The following NUDT3 variants were observed in gnomAD, a reference collection of about 807,000 sequenced individuals.
NUDT3 encodes diphosphoinositol polyphosphate phosphohydrolase 1.
NUDT3 carries 9 observed loss-of-function variants against 23.6 expected under a neutral mutation model. The observed-to-expected ratio is 0.38, with a 90% confidence interval of 0.23 to 0.66. The LOEUF (loss-of-function observed/expected upper bound fraction) is 0.66, where lower values mean the gene tolerates loss of function less well. Ranked by LOEUF, NUDT3 falls within the 30% of genes least tolerant of loss-of-function variation. The pLI, the probability that NUDT3 is intolerant of heterozygous loss-of-function variation, is 0.52. For synonymous variants in NUDT3, 86 were observed against 82.6 expected (o/e 1.04, Z -0.22); for missense variants, 172 against 218.5 (o/e 0.79, Z 1.34).
Position 34,387,658 on chromosome 6 carries a change from GATCTC to G in NUDT3, c.99+4601_99+4605del, listed in dbSNP as rs1765127910. ...AAGACCAGCCTGGGGAACAGAGCAA[GATCTC>G]ATCTCTTTTTAAAAAAAAAAAAAAA... On this transcript the variant is annotated intron_variant, in intron 1 of 4. Transcript: ENST00000607016. 5.1e-5 allele frequency among the ~76,000 whole-genome samples: 6 copies of G among 116,516 alleles called. No individual in the cohort carries two copies. In the South Asian group the frequency reaches 1.4e-3, roughly 27 times the overall value. 76.4% of individuals were successfully genotyped at this position (116,516 alleles called of 152,430 possible). A position where few individuals can be genotyped will look rare whatever the true frequency, so the allele number is the denominator to read the frequency against.
chr6:34,351,349 G>A (rs1764473016), intron 1 of NUDT3, among the ~76,000 whole-genome samples: 1 of 148,296 alleles, frequency 6.7e-6, no homozygotes, highest in South Asian at 2.1e-4. Flanking sequence ...GCTGAGGCAG[G>A]AGGATCATCT....
At chr6:34,355,511 G>A (rs1045443035) in intron 1 of NUDT3, among the ~76,000 whole-genome samples, 15 of 151,892 alleles carry the variant, frequency 9.9e-5, no homozygotes, top group African/African-American at 3.6e-4. Context: ...TACCATCTTG[G>A]TATCAAGGTA....
At chr6:34,361,844 T>C (rs971857615) in intron 1 of NUDT3, among the ~76,000 whole-genome samples, 6 of 152,124 alleles carry the variant, frequency 3.9e-5, no homozygotes, top group African/African-American at 1.4e-4. Context: ...CAGTGGTTGT[T>C]AGGGGTGAGC....
rs1213995108 is a variant in NUDT3, at chr6:34,392,399, G to A, written c.-37C>T. 6.5e-7 allele frequency: 1 copy of A among 1,532,984 alleles called. No individual in the cohort carries two copies. Among genetic ancestry groups the A allele is most frequent in the Non-Finnish European group, 8.9e-7 (1 of 1,127,586 alleles). 95.0% of individuals were successfully genotyped at this position (1,532,984 alleles called of 1,614,324 possible). A position where few individuals can be genotyped will look rare whatever the true frequency, so the allele number is the denominator to read the frequency against. ...GGGTGGGGGTGCGGTGCGGGTCGCA[G>A]GAGTCGAGGGGTGGGGAGCCCGCTC... On this transcript the variant is annotated 5_prime_UTR_variant, in exon 1 of 5. Transcript: ENST00000607016.
At chr6:34,372,547 G>A (rs1764848060) in intron 1 of NUDT3, among the ~76,000 whole-genome samples, 1 of 152,004 alleles carries the variant, frequency 6.6e-6, no homozygotes, top group Non-Finnish European at 1.5e-5. Flanking sequence ...GCTCACACCT[G>A]TAATCCCAGC....
At chr6:34,367,368 G>A (rs1427267583) in intron 1 of NUDT3, among the ~76,000 whole-genome samples, 1 of 151,884 alleles carries the variant, frequency 6.6e-6, no homozygotes, top group Admixed American at 6.6e-5. Flanking sequence ...TGCGATCCCA[G>A]CTACTTGGGA....
At chr6:34,348,432 T>C (rs1764414390) in intron 1 of NUDT3, among the ~76,000 whole-genome samples, 1 of 151,840 alleles carries the variant, frequency 6.6e-6, no homozygotes, top group Non-Finnish European at 1.5e-5. Context: ...CAGTGAGCTA[T>C]GATCCCACTA....
chr6:34,353,158 C>T (rs1424140523), intron 1 of NUDT3, among the ~76,000 whole-genome samples: 1 of 152,020 alleles, frequency 6.6e-6, no homozygotes, highest in East Asian at 1.9e-4. Context: ...CTTTTCTTTC[C>T]CCTTTGTCAA....
At chr6:34,321,855 G>C (rs1175511348) in intron 2 of NUDT3, among the ~76,000 whole-genome samples, 1 of 152,188 alleles carries the variant, frequency 6.6e-6, no homozygotes, top group Admixed American at 6.5e-5. Context: ...CGGTGAACAT[G>C]ATATACATGT....
Position 34,322,334 on chromosome 6 carries a change from C to T in NUDT3, c.210+19528G>A, listed in dbSNP as rs550168350. On this transcript the variant is annotated intron_variant, in intron 2 of 4. Transcript: ENST00000607016. The stretch of plus-strand genomic sequence containing the variant: ...CAACCTCCGCCTCCCGGGTTCACGC[C>T]ATTCTCCTGCCTCAGCCTCCCGAGT... Among the ~76,000 whole-genome samples the T allele has an allele frequency of 1.9e-4, 29 of 152,150 alleles. No homozygotes were observed. In the South Asian group the frequency reaches 5.8e-3, roughly 30 times the overall value.
intron 2 of NUDT3, among the ~76,000 whole-genome samples, chr6:34,328,500 A>G (rs142158923): frequency 1.3e-3 from 201 of 152,300 alleles, no homozygotes; most frequent in African/African-American, 4.6e-3. Context: ...AGAAGATTGC[A>G]TATTATCCTA....
intron 4 of NUDT3, among the ~76,000 whole-genome samples, chr6:34,292,626 TTATAGA>T (rs752529589): frequency 1.4e-3 from 205 of 151,556 alleles, no homozygotes; most frequent in South Asian, 0.01. Flanking sequence ...AAAATATATA[TTATAGA>T]TATATTCATA....
At chr6:34,299,724 G>A (rs1207948488) in intron 2 of NUDT3, among the ~76,000 whole-genome samples, 1 of 150,966 alleles carries the variant, frequency 6.6e-6, no homozygotes, top group East Asian at 2.0e-4. Context: ...TGGCCAACAC[G>A]GCAAAACCCC....
intron 2 of NUDT3, among the ~76,000 whole-genome samples, chr6:34,317,177 G>A (rs746039333): frequency 2.6e-5 from 4 of 152,114 alleles, no homozygotes; most frequent in Non-Finnish European, 4.4e-5. Flanking sequence ...GACTGCTGGC[G>A]AAGCAGGTTT....
chr6:34,365,578 G>T (rs1347933553), intron 1 of NUDT3, among the ~76,000 whole-genome samples: 3 of 152,154 alleles, frequency 2.0e-5, no homozygotes, highest in East Asian at 3.8e-4. Flanking sequence ...CAAAAATTAT[G>T]ATTCCACTTA....
Position 34,288,860 on chromosome 6 carries a change from A to T in NUDT3, c.412T>A (p.Ser138Thr), listed in dbSNP as rs1763373523. The change falls in exon 5 of 5, where the codon TCA (serine) becomes ACA (threonine). Residue 138 changes from serine (S) to threonine (T), a missense_variant. Coordinates refer to ENST00000607016, the MANE Select transcript of NUDT3 (RefSeq NM_006703.4). The stretch of plus-strand genomic sequence containing the variant: ...CCTTGCCTCAATGTTTCAAAATATG[A>T]TGCCTGCACGGGTTTGTGATACTGC... ...VLQYHKPVQA[S>T]YFETLRQGYS... 9 of 1,613,976 alleles carry T rather than the reference A, an allele frequency of 5.6e-6. No homozygotes were observed. The highest frequency in any genetic ancestry group is 7.6e-6 in the Non-Finnish European group (9 of 1,180,022).
intron 2 of NUDT3, among the ~76,000 whole-genome samples, chr6:34,299,812 A>C (rs1273810712): frequency 6.6e-6 from 1 of 151,608 alleles, no homozygotes; most frequent in Non-Finnish European, 1.5e-5. Context: ...GTGAGGCAGG[A>C]GAATCACTTG....
chr6:34,301,942 GA>G (rs1280389014), intron 2 of NUDT3, among the ~76,000 whole-genome samples: 1 of 152,148 alleles, frequency 6.6e-6, no homozygotes, highest in Non-Finnish European at 1.5e-5. Context: ...CTACTTCAGT[GA>G]ACATTCAGAT....
At chr6:34,294,296 T>G (rs1763467198) in intron 3 of NUDT3, among the ~76,000 whole-genome samples, 1 of 151,506 alleles carries the variant, frequency 6.6e-6, no homozygotes, top group African/African-American at 2.4e-5. Flanking sequence ...AATTTTTGTA[T>G]TTTTTTGTAG....
Sources: gnomAD v4.1 joint callset for allele counts (sites outside exome capture counted in the v4.1 genomes callset) on GRCh38, gnomAD v4.1.1 for gene constraint, MANE v1.5 for transcripts, NCBI Gene and HGNC (gene_info 2026-07-23, HGNC 2026-07-21) for gene names.